The following EPS15 variants were observed in gnomAD, a reference collection of about 807,000 sequenced individuals.
EPS15 encodes the protein epidermal growth factor receptor pathway substrate 15, also known as epidermal growth factor receptor substrate 15.
Under a neutral mutation model 113.8 loss-of-function variants are expected in EPS15, and 72 were observed. The ratio of observed to expected loss-of-function variants is 0.63; its 90% CI spans 0.52 to 0.77. EPS15 has a LOEUF of 0.77. EPS15 is among the 30% of genes least tolerant of loss of function. The pLI is 0.00. For synonymous variants in EPS15, 344 were observed against 363.4 expected, an observed-to-expected ratio of 0.95 and a Z score of 0.61; for missense variants, 1,048 against 1,045.8, an observed-to-expected ratio of 1.00 and a Z score of -0.03.
At chr1:51,508,246 G>GAAAAGAAAAGAAAAGA (rs753176134) in intron 1 of EPS15, among the ~76,000 whole-genome samples, 1 of 58,796 alleles carries the variant, frequency 1.7e-5, no homozygotes, top group Non-Finnish European at 3.4e-5. Context: ...AAGAAAGAGA[G>GAAAAGAAAAGAAAAGA]AAAGAGAGAG....
At chr1:51,454,190 T>G (rs1479603112) in intron 8 of EPS15, among the ~76,000 whole-genome samples, 1 of 152,034 alleles carries the variant, frequency 6.6e-6, no homozygotes, top group African/African-American at 2.4e-5. Context: ...TATACATCTC[T>G]AAGTGCCAAA....
chr1:51,418,044 C>A (rs562347864), intron 13 of EPS15, among the ~76,000 whole-genome samples: 1 of 151,970 alleles, frequency 6.6e-6, no homozygotes, highest in Non-Finnish European at 1.5e-5. Flanking sequence ...AGATATTAGG[C>A]GATACAGGTG....
chr1:51,463,334 C>G (rs1654618022), intron 7 of EPS15: 2 of 166,538 alleles, frequency 1.2e-5, no homozygotes, highest in African/African-American at 4.8e-5. Flanking sequence ...CATGATACAG[C>G]CACAGAGTAA....
At chr1:51,438,939 C>T (rs909113384) in intron 12 of EPS15, among the ~76,000 whole-genome samples, 1 of 151,612 alleles carries the variant, frequency 6.6e-6, no homozygotes, top group Non-Finnish European at 1.5e-5. Context: ...TTGCCCTGGT[C>T]AGATTTCAAT....
chr1:51,514,975 T>C (rs1049548451), intron 1 of EPS15, among the ~76,000 whole-genome samples: 1 of 152,226 alleles, frequency 6.6e-6, no homozygotes, highest in Non-Finnish European at 1.5e-5. Context: ...ATGTTGTCAT[T>C]TTCAAACTAA....
intron 1 of EPS15, among the ~76,000 whole-genome samples, chr1:51,510,784 G>T (rs951991478): frequency 1.2e-4 from 18 of 152,104 alleles, no homozygotes; most frequent in Non-Finnish European, 2.5e-4. Flanking sequence ...CTCATGGCAG[G>T]CTTAAGAATA....
chr1:51,389,056 G>A (rs942569550), intron 21 of EPS15, among the ~76,000 whole-genome samples: 1 of 152,184 alleles, frequency 6.6e-6, no homozygotes, highest in Non-Finnish European at 1.5e-5. Flanking sequence ...GAACATTGAT[G>A]CAAAAATCCT....
chr1:51,445,112 C>A, intron 10 of EPS15, 67 bp from the exon 11 acceptor site: 1 of 1,405,080 alleles, frequency 7.1e-7, no homozygotes, highest in South Asian at 1.3e-5. Flanking sequence ...AGAAAAAGTA[C>A]CACTATGCAG....
chr1:51,416,884 C>T (rs1457045178), intron 13 of EPS15, among the ~76,000 whole-genome samples: 1 of 150,362 alleles, frequency 6.7e-6, no homozygotes, highest in Non-Finnish European at 1.5e-5. Context: ...AAAAGAAAAC[C>T]TCTATAAACT....
In EPS15 at chr1:51,356,180, A is replaced by G. The variant is rs1283049393; in HGVS notation, c.*520T>C. ...GCAAAATATTTTTCCTTATCTCTGA[A>G]AAACAAATTAAGTAGAGGAAATTTA... is the stretch of plus-strand genomic sequence containing the variant. On this transcript the variant is annotated 3_prime_UTR_variant, in exon 25 of 25. Transcript: ENST00000371733. The G allele has an allele frequency of 9.5e-6, 2 of 211,432 alleles. No individual in the cohort carries two copies. Among genetic ancestry groups the G allele is most frequent in the African/African-American group, 4.5e-5 (2 of 44,140 alleles). 13.1% of individuals were successfully genotyped at this position (211,432 alleles called of 1,614,324 possible). A position where few individuals can be genotyped will look rare whatever the true frequency, so the allele number is the denominator to read the frequency against.
chr1:51,396,297 CA>C (rs1462781865), intron 20 of EPS15, among the ~76,000 whole-genome samples: 1 of 152,162 alleles, frequency 6.6e-6, no homozygotes, highest in East Asian at 1.9e-4. Flanking sequence ...TCACCAAGTA[CA>C]GGCTGAGCAT....
intron 12 of EPS15, among the ~76,000 whole-genome samples, chr1:51,427,404 T>C (rs554427331): frequency 6.6e-6 from 1 of 152,336 alleles, no homozygotes; most frequent in Non-Finnish European, 1.5e-5. Context: ...GATAGGCACC[T>C]GTCATTAAGA....
Position 51,356,627 on chromosome 1 carries a change from G to T in EPS15, c.*73C>A. The T allele has an allele frequency of 2.3e-6, 3 of 1,309,724 alleles. No homozygotes were observed. The highest frequency in any genetic ancestry group is 3.2e-6 in the Non-Finnish European group (3 of 950,766). The allele number at this position is 1,309,724 out of a possible 1,614,324, so 81.1% of individuals were successfully genotyped here. ...TATTCCCATGCTCACAGGTAGTTTT[G>T]ATACACATTGTAAATAGTTTCAGTA... On this transcript the variant is annotated 3_prime_UTR_variant, in exon 25 of 25. Transcript: ENST00000371733.
At chr1:51,453,139 T>C in intron 8 of EPS15, among the ~76,000 whole-genome samples, 1 of 152,158 alleles carries the variant, frequency 6.6e-6, no homozygotes, top group East Asian at 1.9e-4. Flanking sequence ...ACAATATATG[T>C]ACTGTGAAAT....
intron 21 of EPS15, among the ~76,000 whole-genome samples, chr1:51,369,294 T>C (rs186692445): frequency 6.6e-6 from 1 of 152,270 alleles, no homozygotes; most frequent in Admixed American, 6.5e-5. Context: ...CTGATCATGG[T>C]TGATTTGAGG....
chr1:51,489,148 A>C (rs531529014), intron 1 of EPS15, among the ~76,000 whole-genome samples: 32 of 151,736 alleles, frequency 2.1e-4, no homozygotes, highest in East Asian at 5.8e-4. Flanking sequence ...TGTAAAAAAA[A>C]AAAACAAAAC....
At chr1:51,388,408 G>T (rs536798114) in intron 21 of EPS15, among the ~76,000 whole-genome samples, 47 of 152,170 alleles carry the variant, frequency 3.1e-4, no homozygotes, top group African/African-American at 9.4e-4. Flanking sequence ...ACAATTAAAA[G>T]AATTAGAAAA....
At chr1:51,390,201 A>G (rs1350856333) in intron 21 of EPS15, among the ~76,000 whole-genome samples, 24 of 151,232 alleles carry the variant, frequency 1.6e-4, no homozygotes, top group South Asian at 8.4e-4. Flanking sequence ...CCTGAGAAAA[A>G]CAAGCAATGA....
At chr1:51,434,925 G>C (rs1652019878) in intron 12 of EPS15, among the ~76,000 whole-genome samples, 1 of 152,064 alleles carries the variant, frequency 6.6e-6, no homozygotes, top group Admixed American at 6.6e-5. Context: ...ACCCATCTCA[G>C]CCTCCCAAAG....
Sources: allele counts gnomAD v4.1 joint callset (sites outside exome capture counted in the v4.1 genomes callset), GRCh38; gene constraint gnomAD v4.1.1; transcripts MANE v1.5; gene names NCBI Gene and HGNC (gene_info 2026-07-23, HGNC 2026-07-21).